MED16: variants seen among roughly 807,000 people sequenced by gnomAD.
MED16 encodes mediator of RNA polymerase II transcription subunit 16.
MED16 carries 81 observed loss-of-function variants against 84.4 expected under a neutral mutation model. The observed-to-expected ratio is 0.96, with a 90% CI of 0.80 to 1.15. The LOEUF is 1.15. Ranked by LOEUF, MED16 falls within the 50% of genes most tolerant of loss-of-function variation. The pLI is 0.00. For synonymous variants in MED16, 897 were observed against 552.2 expected, an observed-to-expected ratio of 1.62 and a Z score of -8.76; for missense variants, 1,585 against 1,245.9, an observed-to-expected ratio of 1.27 and a Z score of -4.10.
At position 875,372 on chromosome 19, in the gene MED16, T is replaced by A; in HGVS notation, c.1643A>T (p.His548Leu). Residue 548 changes from histidine to leucine, a missense_variant, in exon 10 of 16, where the codon CAC becomes CTC. By Grantham distance (99) the His-to-Leu change is moderately conservative. Coordinates refer to ENST00000325464, the MANE Select transcript of MED16 (RefSeq NM_005481.3). ...PCTVTRVCDY[H>L]TKLFLIAISS... ...GATGGCGATGAGGAAGAGCTTGGTG[T>A]GGTAGTCGCACACGCGGGTCACCGT... The A allele has an allele frequency of 6.2e-7, 1 of 1,609,580 alleles. No homozygotes were observed. The highest frequency in any genetic ancestry group is 8.5e-7 in the Non-Finnish European group (1 of 1,179,678).
At chr19:878,199 A>G (rs2036309387) in intron 8 of MED16, among the ~76,000 whole-genome samples, 1 of 119,420 alleles carries the variant, frequency 8.4e-6, no homozygotes, top group Admixed American at 9.8e-5. Context: ...CACGTGCCCC[A>G]GCAGCTCACC....
intron 10 of MED16, among the ~76,000 whole-genome samples, chr19:874,277 C>G (rs1031450260): frequency 6.6e-6 from 1 of 152,140 alleles, no homozygotes; most frequent in African/African-American, 2.4e-5. Flanking sequence ...CCACGCCCGG[C>G]TGATTTTTGT....
At chr19:872,603 G>T (rs890417188) in intron 11 of MED16, among the ~76,000 whole-genome samples, 2 of 151,554 alleles carry the variant, frequency 1.3e-5, no homozygotes, top group African/African-American at 4.8e-5. Context: ...ATGAAGCCGG[G>T]TGGGTGGGGC....
Position 871,204 on chromosome 19 carries a change from T to C in MED16, c.2148A>G (p.Glu716=), listed in dbSNP as rs1339799646. Residue 716 remains glutamate (E), a synonymous_variant, in exon 13 of 16, where the codon GAA becomes GAG. Coordinates refer to ENST00000325464, the MANE Select transcript of MED16 (RefSeq NM_005481.3). ...ASEPDEALVD[E]CCLLPSQLLI... ...GCAGCTGGCTGGGCAGCAGGCAGCA[T>C]TCATCCACCAGCGCCTCGTCCGGCT... The C allele has an allele frequency of 6.4e-7, 1 of 1,550,544 alleles. No homozygotes were observed.
At chr19:868,546 T>C in intron 14 of MED16, 47 bp from the exon 15 acceptor site, 2 of 1,598,392 alleles carry the variant, frequency 1.3e-6, no homozygotes, top group Non-Finnish European at 8.5e-7. Flanking sequence ...CAGGCGGGCC[T>C]CCCTTACGCC....
At chr19:868,609 C>CTG in intron 14 of MED16, 110 bp from the exon 15 acceptor site, 1 of 1,415,508 alleles carries the variant, frequency 7.1e-7, no homozygotes, top group South Asian at 1.2e-5. Context: ...TCCCTCACGC[C>CTG]TGCTCCCCAC....
At chr19:888,502 G>A (rs1599344407) in intron 4 of MED16, among the ~76,000 whole-genome samples, 1 of 149,872 alleles carries the variant, frequency 6.7e-6, no homozygotes, top group Non-Finnish European at 1.5e-5. Flanking sequence ...CCAGCCTGGG[G>A]GATAGAGCGA....
At chr19:883,258 T>TA (rs2036456481) in intron 6 of MED16, among the ~76,000 whole-genome samples, 14 of 150,022 alleles carry the variant, frequency 9.3e-5, no homozygotes, top group African/African-American at 3.2e-4. Context: ...CGTGGGGCGG[T>TA]GCGTGAAGAG....
intron 4 of MED16, among the ~76,000 whole-genome samples, chr19:886,935 C>T (rs893343887): frequency 3.3e-5 from 5 of 151,782 alleles, no homozygotes; most frequent in African/African-American, 7.3e-5. Context: ...AAAAATTAGC[C>T]GGGCATGGTA....
intron 1 of MED16, among the ~76,000 whole-genome samples, chr19:892,106 G>C (rs1449311737): frequency 1.3e-5 from 2 of 152,004 alleles, no homozygotes; most frequent in African/African-American, 2.4e-5. Flanking sequence ...GCACCTCCTC[G>C]AGGCTTTCTA....
chr19:876,406 C>T (rs2036230802), intron 9 of MED16, among the ~76,000 whole-genome samples: 1 of 152,078 alleles, frequency 6.6e-6, no homozygotes. Flanking sequence ...GGCCTCACAC[C>T]ACAGGGCCAC....
In MED16 at chr19:871,221, C is replaced by G; in HGVS notation, c.2131G>C (p.Glu711Gln). The G allele has an allele frequency of 6.5e-7, 1 of 1,545,732 alleles. No homozygotes were observed. Among genetic ancestry groups the G allele is most frequent in the Admixed American group, 2.0e-5 (1 of 51,240 alleles). ...AGGCAGCATTCATCCACCAGCGCCT[C>G]GTCCGGCTCGCTCGCTGGGCCCTCA... is the stretch of plus-strand genomic sequence containing the variant. Reference protein sequence around the residue: ...RDEGPASEPDEALVDECCLLP... With the variant: ...RDEGPASEPDQALVDECCLLP... The change falls in exon 13 of 16, where the codon GAG becomes CAG. Residue 711 changes from glutamate to glutamine, a missense_variant. Coordinates refer to ENST00000325464, the MANE Select transcript of MED16 (RefSeq NM_005481.3).
chr19:871,909 G>C lies in MED16; in HGVS notation c.2098+17C>G. On this transcript the variant is annotated intron_variant, in intron 12 of 15. Coordinates refer to ENST00000325464, the MANE Select transcript of MED16 (RefSeq NM_005481.3). ...CGGGGAGCGGGGAGAGGGGAGGGGC[G>C]GGCGGGGGTGCCTCACAGCAGATCC... is the stretch of plus-strand genomic sequence containing the variant. 1 of 1,486,460 alleles carries C rather than the reference G, an allele frequency of 6.7e-7. No individual in the cohort carries two copies. Among genetic ancestry groups the C allele is most frequent in the Middle Eastern group, 2.4e-4 (1 of 4,210 alleles). The allele number at this position is 1,486,460 out of a possible 1,614,324, so 92.1% of individuals were successfully genotyped here. A position where few individuals can be genotyped will look rare whatever the true frequency, so the allele number is the denominator to read the frequency against.
chr19:892,837 G>A (rs911257495), intron 1 of MED16: 2 of 150,268 alleles, frequency 1.3e-5, no homozygotes, highest in African/African-American at 2.5e-5. Flanking sequence ...AGCCCCGCGG[G>A]CCTCAGGCCT....
At chr19:891,278 G>T in intron 1 of MED16, 129 bp from the exon 2 acceptor site, 2 of 875,112 alleles carry the variant, frequency 2.3e-6, no homozygotes, top group Non-Finnish European at 3.4e-6. Context: ...AGGCCCGGAG[G>T]CCAGACAGAG....
chr19:871,782 G>A lies in MED16; in HGVS notation c.2098+144C>T, dbSNP rs544439893. On this transcript the variant is annotated intron_variant, in intron 12 of 15. Transcript: ENST00000325464. ...GAGAGGGGAGCGGGGAGAGGGGAGA[G>A]GGGAGAGCGGGGAGAAGGGAGAGCG... The A allele has an allele frequency of 2.3e-4, 90 of 387,400 alleles. No individual in the cohort carries two copies. The African/African-American group carries it at 2.8e-3, about 12-fold the overall frequency. The allele number at this position is 387,400 out of a possible 1,614,324, so 24.0% of individuals were successfully genotyped here. A position where few individuals can be genotyped will look rare whatever the true frequency, so the allele number is the denominator to read the frequency against.
At chr19:876,161 G>A (rs932072602) in intron 9 of MED16, among the ~76,000 whole-genome samples, 3 of 151,858 alleles carry the variant, frequency 2.0e-5, no homozygotes, top group Non-Finnish European at 4.4e-5. Context: ...TTTTATCTTC[G>A]TATTGGTTTC....
rs769187187 is a variant in MED16, at chr19:875,362, G to A, written c.1653C>T (p.Leu551=). ...GGGTGGAGCTGATGGCGATGAGGAA[G>A]AGCTTGGTGTGGTAGTCGCACACGC... ...VTRVCDYHTK[L]FLIAISSTLK... is the part of the protein sequence containing the mutation. The change falls in exon 10 of 16, where the codon CTC becomes CTT. Residue 551 remains leucine (L), a synonymous_variant. Transcript: ENST00000325464. 1.2e-6 allele frequency: 2 copies of A among 1,610,252 alleles called. No homozygotes were observed. The highest frequency in any genetic ancestry group is 2.2e-5 in the East Asian group (1 of 44,866).
chr19:874,849 G>A (rs551203996), intron 10 of MED16, among the ~76,000 whole-genome samples: 58 of 152,234 alleles, frequency 3.8e-4, no homozygotes, highest in African/African-American at 1.3e-3. Context: ...CAACCTGGAT[G>A]ACACAGTGAG....
Sources: gnomAD v4.1 joint callset for allele counts (sites outside exome capture counted in the v4.1 genomes callset) on GRCh38, gnomAD v4.1.1 for gene constraint, MANE v1.5 for transcripts, NCBI Gene and HGNC (gene_info 2026-07-23, HGNC 2026-07-21) for gene names.